PMF1: variants seen among roughly 807,000 people sequenced by gnomAD.
The protein encoded by PMF1 is polyamine modulated factor 1.
PMF1 carries 21 observed loss-of-function variants against 26.7 expected under a neutral mutation model. That is an observed-to-expected ratio of 0.79 (90% CI 0.56 to 1.13). The LOEUF (loss-of-function observed/expected upper bound fraction) is 1.13, where lower values mean the gene tolerates loss of function less well. Among genes scored for constraint, PMF1 ranks in the 50% most tolerant of loss-of-function variants. The pLI, the probability that PMF1 is intolerant of heterozygous loss-of-function variation, is 0.00. For synonymous variants in PMF1, 105 were observed against 101.0 expected, an observed-to-expected ratio of 1.04 and a Z score of -0.24; for missense variants, 266 against 254.9, an observed-to-expected ratio of 1.04 and a Z score of -0.30.
chr1:156,236,145 A>T, intron 3 of PMF1, 143 bp from the exon 4 acceptor site: 2 of 1,073,994 alleles, frequency 1.9e-6, no homozygotes, highest in Non-Finnish European at 2.7e-6. Context: ...TTGGGAGGTG[A>T]GAGGGACCAC....
At chr1:156,220,818 A>G (rs1658040877) in intron 1 of PMF1, 1 of 151,652 alleles carries the variant, frequency 6.6e-6, no homozygotes, top group Non-Finnish European at 1.5e-5. Context: ...CGCCCAGCTA[A>G]TTTTTGTATT....
intron 4 of PMF1, 61 bp from the exon 5 acceptor site, chr1:156,239,487 G>C: frequency 7.2e-7 from 1 of 1,380,640 alleles, no homozygotes; most frequent in Non-Finnish European, 1.0e-6. Context: ...AGGGACAGTG[G>C]AGGGCAAGGA....
intron 3 of PMF1, among the ~76,000 whole-genome samples, chr1:156,235,358 A>G (rs1488405295): frequency 6.6e-6 from 1 of 151,404 alleles, no homozygotes; most frequent in Non-Finnish European, 1.5e-5. Flanking sequence ...ACCGGACCTC[A>G]GGTGATCCAC....
At chr1:156,228,723 G>C (rs757832856) in intron 1 of PMF1, among the ~76,000 whole-genome samples, 39 of 151,998 alleles carry the variant, frequency 2.6e-4, no homozygotes, top group Non-Finnish European at 4.6e-4. Flanking sequence ...AGCCAAACCT[G>C]TTTTAAGCCA....
rs1658845462 is a variant in PMF1, at chr1:156,233,716, A to G, written c.356A>G (p.Lys119Arg). ...ATTGTGGAAGAAGGCAAAGTCCGCAAAGAGCCAGCCTGGTGAGAGTGGGGT... is the reference window on the plus strand; with the variant it reads ...ATTGTGGAAGAAGGCAAAGTCCGCAGAGAGCCAGCCTGGTGAGAGTGGGGT... The part of the protein sequence containing the change: ...DKIVEEGKVR[K>R]EPAWRPSGIP... Residue 119 changes from lysine to arginine, a missense_variant, in exon 3 of 5, where the codon AAA (lysine) becomes AGA (arginine). By Grantham distance (26) the Lys-to-Arg change is conservative. Transcript: ENST00000368277. 25 of 1,613,940 alleles carry G rather than the reference A, an allele frequency of 1.5e-5. No homozygotes were observed. Among genetic ancestry groups the G allele is most frequent in the Non-Finnish European group, 2.1e-5 (25 of 1,179,916 alleles).
rs58481427 is a variant in PMF1, at chr1:156,225,282, CTTTT to C, written c.162-7015_162-7012del. Among the ~76,000 whole-genome samples the C allele has an allele frequency of 1.7e-4, 12 of 71,662 alleles. 1 individual carries two copies. Among genetic ancestry groups the C allele is most frequent in the Admixed American group, 4.1e-4 (2 of 4,886 alleles). The allele number at this position is 71,662 out of a possible 152,430, so 47.0% of individuals were successfully genotyped here. A position where few individuals can be genotyped will look rare whatever the true frequency, so the allele number is the denominator to read the frequency against. ...GAATTTCTGTCACTCCAGTCCTCAG[CTTTT>C]TTTTTTTTTTTTTTTTTTTTTTAAT... On this transcript the variant is annotated intron_variant, in intron 1 of 4. Transcript: ENST00000368277.
intron 1 of PMF1, among the ~76,000 whole-genome samples, chr1:156,218,914 TA>T (rs1488260993): frequency 6.6e-6 from 1 of 152,052 alleles, no homozygotes; most frequent in East Asian, 1.9e-4. Context: ...TTTATTTTTT[TA>T]TTTTTTTTTA....
At position 156,237,465 on chromosome 1, in the gene PMF1, T is replaced by TA. The variant is rs1553281759; in HGVS notation, c.564+983dup. Among the ~76,000 whole-genome samples the TA allele has an allele frequency of 5.3e-5, 8 of 150,022 alleles. No individual in the cohort carries two copies. The East Asian group carries it at 1.4e-3, about 25-fold the overall frequency. On this transcript the variant is annotated intron_variant, in intron 4 of 4. Coordinates refer to ENST00000368277, the MANE Select transcript of PMF1 (RefSeq NM_007221.4). ...TTTTGTCTTTTTTTTTTTTTTTTTT[T>TA]AGACAGAGTCTCACTCTGTTGCCCA...
At chr1:156,226,529 C>T (rs1426295368) in intron 1 of PMF1, among the ~76,000 whole-genome samples, 2 of 152,330 alleles carry the variant, frequency 1.3e-5, no homozygotes, top group East Asian at 3.9e-4. Flanking sequence ...TCTGGGGAGC[C>T]AAGTTACTGA....
rs577559995 is a variant in PMF1 at position 156,236,206 on chromosome 1, C to T, written c.369-82C>T. 1.6e-4 allele frequency: 242 copies of T among 1,533,754 alleles called. 1 individual carries two copies. The highest frequency in any genetic ancestry group is 4.4e-4 in the South Asian group (35 of 79,944). On this transcript the variant is annotated intron_variant, in intron 3 of 4. Transcript: ENST00000368277. ...ACTTGGGACAAGGTGGGCATGTCAC[C>T]GAGTGTGGGCTTGGAAGCTGAACCT... is the stretch of plus-strand genomic sequence containing the variant.
intron 4 of PMF1, 86 bp from the exon 5 acceptor site, chr1:156,239,462 C>T (rs1558199702): frequency 1.9e-6 from 2 of 1,080,474 alleles, no homozygotes; most frequent in Non-Finnish European, 2.8e-6. Context: ...TGGGGGAAAC[C>T]CCAGGCCTGG....
At chr1:156,235,080 A>T (rs559775906) in intron 3 of PMF1, among the ~76,000 whole-genome samples, 3 of 152,026 alleles carry the variant, frequency 2.0e-5, no homozygotes, top group African/African-American at 7.2e-5. Context: ...ATGCTCTGTG[A>T]CCTTAATACT....
At position 156,227,981 on chromosome 1, in the gene PMF1, C is replaced by T. The variant is rs187027756; in HGVS notation, c.162-4339C>T. Among the ~76,000 whole-genome samples the T allele has an allele frequency of 2.7e-4, 39 of 142,232 alleles. 1 individual carries two copies. The East Asian group carries it at 7.5e-3, about 27-fold the overall frequency. The allele number at this position is 142,232 out of a possible 152,430, so 93.3% of individuals were successfully genotyped here. On this transcript the variant is annotated intron_variant, in intron 1 of 4. Transcript: ENST00000368277. Reference sequence around the variant, plus strand: ...CGGAGTTTCATTCTTGTTGCCCACACTGGGGTGCAATGGCATGATCTCAGC... The same window carrying T: ...CGGAGTTTCATTCTTGTTGCCCACATTGGGGTGCAATGGCATGATCTCAGC...
At chr1:156,238,289 T>C (rs1322629487) in intron 4 of PMF1, among the ~76,000 whole-genome samples, 1 of 152,250 alleles carries the variant, frequency 6.6e-6, no homozygotes, top group East Asian at 1.9e-4. Context: ...ACGTGTATAT[T>C]AGAATGACTT....
intron 1 of PMF1, among the ~76,000 whole-genome samples, chr1:156,228,835 A>C (rs1658536182): frequency 6.6e-6 from 1 of 152,224 alleles, no homozygotes. Flanking sequence ...GGCCAGCAGC[A>C]AAACAAGATA....
At chr1:156,223,008 A>G (rs1658169471) in intron 1 of PMF1, among the ~76,000 whole-genome samples, 1 of 152,238 alleles carries the variant, frequency 6.6e-6, no homozygotes, top group Non-Finnish European at 1.5e-5. Flanking sequence ...ATAGTTCATC[A>G]CAGGAAAAAG....
intron 1 of PMF1, chr1:156,223,692 A>ACACACACCCG (rs1658203855): frequency 6.6e-6 from 1 of 151,910 alleles, no homozygotes; most frequent in African/African-American, 2.4e-5. Context: ...ACACACACAC[A>ACACACACCCG]CACCCGCCCT....
In PMF1 at chr1:156,236,427, C is replaced by T. The variant is rs548726372; in HGVS notation, c.508C>T (p.Arg170Trp). Residue 170 changes from arginine to tryptophan, a missense_variant, in exon 4 of 5, where the codon CGG becomes TGG. Physicochemically the swap from Arg to Trp is moderately radical, Grantham distance 101. Transcript: ENST00000368277. ...QQLADAVLAG[R>W]RQVEELQLQV... ...GCTGGCAGATGCCGTCCTGGCAGGGCGGAGGCAGGTGGAGGAGCTGCAGCT... is the reference window on the plus strand; with the variant it reads ...GCTGGCAGATGCCGTCCTGGCAGGGTGGAGGCAGGTGGAGGAGCTGCAGCT... 9.5e-5 allele frequency: 153 copies of T among 1,614,076 alleles called. No individual in the cohort carries two copies. The highest frequency in any genetic ancestry group is 6.5e-4 in the East Asian group (29 of 44,882).
chr1:156,222,194 C>A (rs1193507795), intron 1 of PMF1, among the ~76,000 whole-genome samples: 1 of 152,226 alleles, frequency 6.6e-6, no homozygotes, highest in Non-Finnish European at 1.5e-5. Context: ...AGTGCCAGTG[C>A]AGACCACACA....
Sources: gnomAD v4.1 joint callset for allele counts (sites outside exome capture counted in the v4.1 genomes callset) on GRCh38, gnomAD v4.1.1 for gene constraint, MANE v1.5 for transcripts, NCBI Gene and HGNC (gene_info 2026-07-23, HGNC 2026-07-21) for gene names.